Variants in FGF12 observed in about 807,000 individuals in gnomAD.
The protein encoded by FGF12 is fibroblast growth factor 12.
FGF12 carries 14 observed loss-of-function variants against 23.6 expected under a neutral mutation model. The observed-to-expected ratio is 0.59, with a 90% CI of 0.39 to 0.93. FGF12 has a LOEUF of 0.93. Ranked by LOEUF, FGF12 falls within the 40% of genes least tolerant of loss-of-function variation. The pLI is 0.00. For synonymous variants in FGF12, 62 were observed against 77.3 expected (o/e 0.80, Z 1.04); for missense variants, 175 against 217.8 (o/e 0.80, Z 1.24).
At chr3:192,194,605 A>T (rs139371424) in intron 4 of FGF12, among the ~76,000 whole-genome samples, 107 of 152,154 alleles carry the variant, frequency 7.0e-4, no homozygotes, top group Non-Finnish European at 1.4e-3. Context: ...ACCTGGTGGA[A>T]TTTTTCTTTC....
chr3:192,437,917 T>C (rs1400100282), intron 2 of FGF12, among the ~76,000 whole-genome samples: 1 of 152,152 alleles, frequency 6.6e-6, no homozygotes, highest in African/African-American at 2.4e-5. Context: ...TCCTTCCTTC[T>C]TTTGTCCCTG....
At chr3:192,518,539 T>C (rs1724735917) in intron 2 of FGF12, among the ~76,000 whole-genome samples, 1 of 152,216 alleles carries the variant, frequency 6.6e-6, no homozygotes, top group Non-Finnish European at 1.5e-5. Flanking sequence ...TGGAAGAGAA[T>C]GTTGAATTGG....
At chr3:192,217,711 G>T (rs1206143296) in intron 4 of FGF12, among the ~76,000 whole-genome samples, 1 of 152,158 alleles carries the variant, frequency 6.6e-6, no homozygotes, top group African/African-American at 2.4e-5. Context: ...TTTTGTAACG[G>T]TACACATGCA....
chr3:192,279,230 GTATATATATATA>G (rs59504943), intron 4 of FGF12, among the ~76,000 whole-genome samples: 4 of 131,922 alleles, frequency 3.0e-5, no homozygotes, highest in African/African-American at 1.2e-4. Flanking sequence ...TAATGTATGA[GTATATATATATA>G]TATATATATA....
chr3:192,561,561 A>G (rs557795757), intron 2 of FGF12, among the ~76,000 whole-genome samples: 97 of 152,148 alleles, frequency 6.4e-4, no homozygotes, highest in Non-Finnish European at 4.4e-5. Flanking sequence ...ATGGGGTTTC[A>G]CCGTGTTAGC....
intron 4 of FGF12, among the ~76,000 whole-genome samples, chr3:192,221,457 C>T (rs1285531495): frequency 6.6e-6 from 1 of 152,132 alleles, no homozygotes; most frequent in African/African-American, 2.4e-5. Flanking sequence ...TACCTGTAAG[C>T]ACCATGACAG....
At chr3:192,531,444 G>A (rs559012459) in intron 2 of FGF12, among the ~76,000 whole-genome samples, 2 of 152,268 alleles carry the variant, frequency 1.3e-5, no homozygotes, top group Non-Finnish European at 2.9e-5. Context: ...AGAAAGAAAA[G>A]GAAATGCTTA....
intron 2 of FGF12, among the ~76,000 whole-genome samples, chr3:192,558,608 AAAC>A (rs746705886): frequency 2.7e-4 from 41 of 151,616 alleles, no homozygotes; most frequent in African/African-American, 8.2e-4. Context: ...ACCAAAAAAT[AAAC>A]AACAACAACA....
intron 3 of FGF12, among the ~76,000 whole-genome samples, chr3:192,343,471 T>C (rs912710664): frequency 2.0e-5 from 3 of 152,174 alleles, no homozygotes; most frequent in Non-Finnish European, 4.4e-5. Flanking sequence ...AATTATAATA[T>C]TCATAATATT....
intron 2 of FGF12, among the ~76,000 whole-genome samples, chr3:192,363,902 C>A (rs372747759): frequency 1.3e-5 from 2 of 152,164 alleles, no homozygotes; most frequent in African/African-American, 4.8e-5. Context: ...AAAACGAAAA[C>A]CTTTGCTGTC....
At chr3:192,686,377 G>A (rs1010083438) in intron 2 of FGF12, among the ~76,000 whole-genome samples, 31 of 152,092 alleles carry the variant, frequency 2.0e-4, no homozygotes, top group Non-Finnish European at 5.9e-5. Context: ...TATGATCTTA[G>A]CGAGGAGAGT....
intron 4 of FGF12, among the ~76,000 whole-genome samples, chr3:192,242,153 G>A (rs1306620699): frequency 2.0e-5 from 3 of 152,128 alleles, no homozygotes; most frequent in African/African-American, 7.2e-5. Context: ...ATATTGCAAT[G>A]ATTAAAATAA....
At chr3:192,553,693 C>A (rs1038922636) in intron 2 of FGF12, among the ~76,000 whole-genome samples, 2 of 152,076 alleles carry the variant, frequency 1.3e-5, no homozygotes, top group Non-Finnish European at 2.9e-5. Flanking sequence ...CACCATAGTC[C>A]CCCCAACCCC....
At chr3:192,313,146 T>G (rs1229730471) in intron 4 of FGF12, among the ~76,000 whole-genome samples, 2 of 152,226 alleles carry the variant, frequency 1.3e-5, no homozygotes, top group Non-Finnish European at 2.9e-5. Context: ...GCACTAATCC[T>G]AAACAGTAAA....
chr3:192,589,513 C>CT (rs1713535960), intron 2 of FGF12, among the ~76,000 whole-genome samples: 1 of 151,866 alleles, frequency 6.6e-6, no homozygotes, highest in Non-Finnish European at 1.5e-5. Flanking sequence ...AGGAAAAACA[C>CT]TGCCTGCTCC....
chr3:192,371,314 G>A (rs2108743610), intron 2 of FGF12, among the ~76,000 whole-genome samples: 1 of 152,350 alleles, frequency 6.6e-6, no homozygotes, highest in Non-Finnish European at 1.5e-5. Context: ...CCTGGAGTCA[G>A]AGCTCTTTAA....
intron 2 of FGF12, among the ~76,000 whole-genome samples, chr3:192,557,818 C>G (rs1711852247): frequency 6.6e-6 from 1 of 151,738 alleles, no homozygotes; most frequent in Non-Finnish European, 1.5e-5. Context: ...AGGGTAATAA[C>G]CACATCATCA....
chr3:192,551,198 C>CT (rs1711517990), intron 2 of FGF12, among the ~76,000 whole-genome samples: 2 of 152,202 alleles, frequency 1.3e-5, no homozygotes, highest in South Asian at 4.1e-4. Flanking sequence ...TTAACTCCAG[C>CT]TTTCTACCCG....
chr3:192,695,925 C>T (rs1718106304), intron 2 of FGF12, among the ~76,000 whole-genome samples: 1 of 152,012 alleles, frequency 6.6e-6, no homozygotes, highest in African/African-American at 2.4e-5. Flanking sequence ...ATGGTGAAAC[C>T]CCATCTCTAC....
Sources: gnomAD v4.1 joint callset for allele counts (sites outside exome capture counted in the v4.1 genomes callset) on GRCh38, gnomAD v4.1.1 for gene constraint, MANE v1.5 for transcripts, NCBI Gene and HGNC (gene_info 2026-07-23, HGNC 2026-07-21) for gene names.